Variants in F5 observed in about 807,000 individuals in gnomAD.
F5 encodes coagulation factor V.
Under a neutral mutation model 216.4 loss-of-function variants are expected in F5, and 138 were observed. The ratio of observed to expected loss-of-function variants is 0.64; its 90% CI spans 0.56 to 0.73. The LOEUF (loss-of-function observed/expected upper bound fraction) is 0.73. Ranked by LOEUF, F5 falls within the 30% of genes least tolerant of loss-of-function variation. F5 has a pLI of 0.00. For synonymous variants in F5, 916 were observed against 930.7 expected (o/e 0.98, Z 0.29); for missense variants, 2,403 against 2,674.0 (o/e 0.90, Z 2.24).
intron 19 of F5, 139 bp downstream of exon 19, chr1:169,524,698 C>T (rs1659394124): frequency 6.6e-6 from 5 of 759,794 alleles, no homozygotes; most frequent in South Asian, 1.5e-5. Flanking sequence ...CCAAATGGAG[C>T]TGCTTCACTA....
rs113387848 is a variant in F5 at position 169,536,409 on chromosome 1, C to A, written c.4971+97G>T. ...TTATTCATTAATCCTGGAAAACAAA[C>A]AAATCACCTATAGCTCTCTTGCCAC... On this transcript the variant is annotated intron_variant, in intron 14 of 24. Coordinates refer to ENST00000367797, the MANE Select transcript of F5 (RefSeq NM_000130.5). 175 of 1,006,684 alleles carry A rather than the reference C, an allele frequency of 1.7e-4. 1 individual carries two copies. In the African/African-American group the frequency reaches 2.5e-3, roughly 15 times the overall value. The allele number at this position is 1,006,684 out of a possible 1,614,324, so 62.4% of individuals were successfully genotyped here.
intron 23 of F5, among the ~76,000 whole-genome samples, chr1:169,516,337 C>T (rs1571556030): frequency 6.6e-6 from 1 of 152,150 alleles, no homozygotes; most frequent in African/African-American, 2.4e-5. Context: ...AAGGTCTAAA[C>T]TGAGTTTTAG....
chr1:169,544,655 G>C (rs1659959061), intron 11 of F5, 147 bp from the exon 12 acceptor site: 1 of 698,956 alleles, frequency 1.4e-6, no homozygotes, highest in Admixed American at 2.3e-5. Context: ...TCTAACATGT[G>C]ACTAGAAGAT....
rs556686396 is a variant in F5, at chr1:169,517,187, T to G, written c.6345+1225A>C. Among the ~76,000 whole-genome samples, 6 of 152,264 alleles carry G rather than the reference T, an allele frequency of 3.9e-5. No homozygotes were observed. In the South Asian group the frequency reaches 6.2e-4, roughly 16 times the overall value. Reference sequence around the variant, plus strand: ...AAATGGTGGAAGGAGCATGGCCTGTTTACTGGGAGAATGGGATTCTAGTCC... The same window carrying G: ...AAATGGTGGAAGGAGCATGGCCTGTGTACTGGGAGAATGGGATTCTAGTCC... On this transcript the variant is annotated intron_variant, in intron 23 of 24. Transcript: ENST00000367797.
intron 13 of F5, among the ~76,000 whole-genome samples, chr1:169,537,631 C>T (rs929583068): frequency 1.3e-5 from 2 of 151,836 alleles, no homozygotes; most frequent in African/African-American, 4.8e-5. Context: ...CTCAATTCAG[C>T]AAAAAACCCA....
At position 169,559,215 on chromosome 1, in the gene F5, C is replaced by G; in HGVS notation, c.668G>C (p.Ser223Thr). ...CATTAGGGATGATGACTGGCTCCAGCTCTTGCTTTCATCAAACACAGCAAA... is the reference window on the plus strand; with the variant it reads ...CATTAGGGATGATGACTGGCTCCAGGTCTTGCTTTCATCAAACACAGCAAA... ...LLFAVFDESK[S>T]WSQSSSLMYT... Residue 223 changes from serine (S) to threonine (T), a missense_variant, in exon 5 of 25, where the codon AGC (serine) becomes ACC (threonine). Physicochemically the swap from Ser to Thr is moderately conservative, Grantham distance 58. Around this residue, in one of 4 missense-constraint regions of F5, gnomAD observed 1,425 missense variants for 1,554.8 expected, o/e 0.92. Transcript: ENST00000367797. 1 of 1,613,820 alleles carries G rather than the reference C, an allele frequency of 6.2e-7. No homozygotes were observed. The highest frequency in any genetic ancestry group is 8.5e-7 in the Non-Finnish European group (1 of 1,179,804).
chr1:169,545,234 C>A (rs182944689), intron 11 of F5, among the ~76,000 whole-genome samples: 5 of 152,126 alleles, frequency 3.3e-5, no homozygotes, highest in Admixed American at 3.3e-4. Context: ...TAGTTTATAC[C>A]TCATTCTAGA....
intron 1 of F5, among the ~76,000 whole-genome samples, chr1:169,583,193 C>A (rs997752069): frequency 6.6e-6 from 1 of 152,130 alleles, no homozygotes; most frequent in Non-Finnish European, 1.5e-5. Flanking sequence ...GGGTTACTTT[C>A]CTGTTTTTGC....
rs1054956664 is a variant in F5 at position 169,555,216 on chromosome 1, C to T, written c.1084G>A (p.Asp362Asn). 24 of 1,614,084 alleles carry T rather than the reference C, an allele frequency of 1.5e-5. No individual in the cohort carries two copies. The highest frequency in any genetic ancestry group is 1.9e-5 in the Non-Finnish European group (22 of 1,179,992). ...TTCGCTGGTATTACAGGTGCATAGT[C>T]CCAAATGACTTCCTCTGCAGCAATG... ...YFIAAEEVIW[D>N]YAPVIPANMD... The change falls in exon 7 of 25, where the codon GAC (aspartate) becomes AAC (asparagine). Residue 362 changes from aspartate to asparagine, a missense_variant. Transcript: ENST00000367797.
rs1660294174 is a variant in F5, at chr1:169,555,325, G to T, written c.975C>A (p.Asp325Glu). Reference protein sequence around the residue: ...HLQAGMQAYIDIKNCPKKTRN... With the variant: ...HLQAGMQAYIEIKNCPKKTRN... ...TGGTTTTCTTTGGGCAGTTTTTAATGTCAATGTAAGCCTGCATCCCAGCTG... is the reference window on the plus strand; with the variant it reads ...TGGTTTTCTTTGGGCAGTTTTTAATTTCAATGTAAGCCTGCATCCCAGCTG... The change falls in exon 7 of 25, where the codon GAC (aspartate) becomes GAA (glutamate). Residue 325 changes from aspartate (D) to glutamate (E), a missense_variant. By Grantham distance (45) the Asp-to-Glu change is conservative. This residue lies in a region of F5 where 1,425 missense variants were observed against 1,554.8 expected (regional missense o/e 0.92). Coordinates refer to ENST00000367797, the MANE Select transcript of F5 (RefSeq NM_000130.5). 6.2e-7 allele frequency: 1 copy of T among 1,614,042 alleles called. No individual in the cohort carries two copies. The highest frequency in any genetic ancestry group is 8.5e-7 in the Non-Finnish European group (1 of 1,179,994).
chr1:169,546,420 C>T (rs551736712), intron 11 of F5, 22 bp downstream of exon 11: 1 of 1,613,900 alleles, frequency 6.2e-7, no homozygotes, highest in South Asian at 1.1e-5. Context: ...AACTGATGAA[C>T]AAAAATAGTA....
At chr1:169,545,513 T>C (rs1252897613) in intron 11 of F5, among the ~76,000 whole-genome samples, 1 of 152,258 alleles carries the variant, frequency 6.6e-6, no homozygotes, top group Non-Finnish European at 1.5e-5. Flanking sequence ...TTTTTAATGT[T>C]GCTATCAGAA....
intron 4 of F5, among the ~76,000 whole-genome samples, chr1:169,559,903 GTA>G (rs61224283): frequency 2.0e-5 from 3 of 151,598 alleles, no homozygotes; most frequent in African/African-American, 7.3e-5. Context: ...GCCTGAGCGT[GTA>G]TGTATAGGCA....
At chr1:169,539,141 C>T (rs964231148) in intron 13 of F5, among the ~76,000 whole-genome samples, 2 of 152,156 alleles carry the variant, frequency 1.3e-5, no homozygotes, top group Non-Finnish European at 2.9e-5. Flanking sequence ...CTGACTCTCA[C>T]ATTTCCCAAG....
At chr1:169,574,446 G>A (rs1660796719) in intron 2 of F5, among the ~76,000 whole-genome samples, 1 of 152,316 alleles carries the variant, frequency 6.6e-6, no homozygotes, top group African/African-American at 2.4e-5. Flanking sequence ...ACAAGTGACA[G>A]AAATCAACTA....
chr1:169,572,076 C>T (rs1320043688), intron 3 of F5, 145 bp downstream of exon 3: 3 of 924,654 alleles, frequency 3.2e-6, no homozygotes, highest in Non-Finnish European at 3.2e-6. Flanking sequence ...TCTCTCAAAA[C>T]TTACAACAGC....
intron 2 of F5, among the ~76,000 whole-genome samples, chr1:169,573,099 C>T (rs1018380954): frequency 2.6e-5 from 4 of 152,072 alleles, no homozygotes; most frequent in African/African-American, 9.7e-5. Flanking sequence ...AGGCATGCAC[C>T]ACCACACCCA....
In F5 at chr1:169,540,474, G is replaced by T; in HGVS notation, c.4616C>A (p.Ala1539Asp). The change falls in exon 13 of 25, where the codon GCT (alanine) becomes GAT (aspartate). Residue 1539 changes from alanine to aspartate, a missense_variant. Ala to Asp is a moderately radical substitution (Grantham distance 126). Coordinates refer to ENST00000367797, the MANE Select transcript of F5 (RefSeq NM_000130.5). ...EEVQSSEDDYAEIDYVPYDDP... is the reference protein window; with the variant it reads ...EEVQSSEDDYDEIDYVPYDDP... Reference sequence around the variant, plus strand: ...ATCATAGGGCACATAATCAATTTCAGCATAGTCATCTTCACTGCTCTGGAC... The same window carrying T: ...ATCATAGGGCACATAATCAATTTCATCATAGTCATCTTCACTGCTCTGGAC... 1.2e-6 allele frequency: 2 copies of T among 1,613,952 alleles called. No individual in the cohort carries two copies. The highest frequency in any genetic ancestry group is 1.7e-6 in the Non-Finnish European group (2 of 1,179,946).
At chr1:169,567,247 G>T (rs2187954) in intron 3 of F5, among the ~76,000 whole-genome samples, 14 of 151,556 alleles carry the variant, frequency 9.2e-5, no homozygotes, top group African/African-American at 2.9e-4. Context: ...CCCAAAGGAG[G>T]GGGGAGGGAT....
Sources: allele counts gnomAD v4.1 joint callset (sites outside exome capture counted in the v4.1 genomes callset), GRCh38; gene constraint gnomAD v4.1.1; regional missense constraint gnomAD v4.1.1; transcripts MANE v1.5; gene names NCBI Gene and HGNC (gene_info 2026-07-23, HGNC 2026-07-21).